The following PITPNM2 variants were observed in gnomAD, a reference collection of about 807,000 sequenced individuals.
The protein encoded by PITPNM2 is membrane-associated phosphatidylinositol transfer protein 2.
A neutral mutation model predicts 132.2 loss-of-function variants in PITPNM2; 35 were observed. That is an observed-to-expected ratio of 0.26 (90% CI 0.20 to 0.35). The LOEUF (loss-of-function observed/expected upper bound fraction) is 0.35. Among genes scored for constraint, PITPNM2 ranks in the 10% least tolerant of loss-of-function variants. PITPNM2 has a pLI of 1.00. For missense variants in PITPNM2, 1,332 were observed against 1,912.0 expected (o/e 0.70, Z 5.66); for synonymous variants, 738 against 799.2 (o/e 0.92, Z 1.29).
At chr12:123,103,997 C>T (rs956864724) in intron 2 of PITPNM2, among the ~76,000 whole-genome samples, 4 of 152,114 alleles carry the variant, frequency 2.6e-5, no homozygotes, top group African/African-American at 7.2e-5. Context: ...CCGCAACCTC[C>T]GCCTCCGGGT....
rs2040070987 is a variant in PITPNM2 at position 123,031,081 on chromosome 12, T to C, written c.78+3432A>G. Among the ~76,000 whole-genome samples, 1 of 152,188 alleles carries C rather than the reference T, an allele frequency of 6.6e-6. No homozygotes were observed. The highest frequency in any genetic ancestry group is 2.1e-4 in the South Asian group (1 of 4,830). On this transcript the variant is annotated intron_variant, in intron 3 of 25. Coordinates refer to ENST00000320201, the MANE Select transcript of PITPNM2 (RefSeq NM_020845.3). This position sits in a 1 kb window ranked among gnomAD's most constrained non-coding sequence, Gnocchi z 4.5. ...ACTAAAGTTGGTGGTTGCACAACAT[T>C]GTGAGTATACTAAATGCCACTGAAT...
chr12:122,987,989 C>T, intron 20 of PITPNM2, 88 bp from the exon 21 acceptor site: 10 of 1,223,748 alleles, frequency 8.2e-6, no homozygotes, highest in Non-Finnish European at 1.2e-5. Flanking sequence ...GCCTGAGGGG[C>T]AGGCTTGAGC....
chr12:123,004,434 G>A lies in PITPNM2; in HGVS notation c.1008C>T (p.Asp336=). The change falls in exon 8 of 26, where the codon GAC becomes GAT. Residue 336 remains aspartate (D), a synonymous_variant. Transcript: ENST00000320201. The surrounding 1 kb of genome is among the most constrained non-coding windows in gnomAD (Gnocchi z 4.9). The stretch of plus-strand genomic sequence containing the variant: ...ACTCATCATCTGAGCTCTCATCCGA[G>A]TCCCTGGCAATACTCTGCATCCTCC... ...SEWRMQSIAR[D]SDESSDDEFF... The A allele has an allele frequency of 5.0e-6, 8 of 1,614,008 alleles. No individual in the cohort carries two copies. Among genetic ancestry groups the A allele is most frequent in the Non-Finnish European group, 6.8e-6 (8 of 1,180,026 alleles).
chr12:123,123,790 G>A (rs962348285), intron 1 of PITPNM2, among the ~76,000 whole-genome samples: 3 of 151,856 alleles, frequency 2.0e-5, no homozygotes, highest in Non-Finnish European at 4.4e-5. Context: ...ACAAAAATTA[G>A]CCAGGTGTAG....
intron 2 of PITPNM2, among the ~76,000 whole-genome samples, chr12:123,094,833 C>T (rs902307328): frequency 1.8e-4 from 27 of 152,328 alleles, no homozygotes; most frequent in Admixed American, 3.9e-4. Flanking sequence ...TCTGACCCCA[C>T]GTCTGACTCA....
Position 122,988,719 on chromosome 12 carries a change from G to C in PITPNM2, c.2880+5C>G. Reference sequence around the variant, plus strand: ...CCCTCCTGGGAGGTCCCAGGCCCCGGGTACCTGTCTCAGCAGAAAGGAGAC... The same window carrying C: ...CCCTCCTGGGAGGTCCCAGGCCCCGCGTACCTGTCTCAGCAGAAAGGAGAC... On this transcript the variant is annotated splice_donor_5th_base_variant and intron_variant, in intron 19 of 25. Transcript: ENST00000320201. 1 of 1,556,462 alleles carries C rather than the reference G, an allele frequency of 6.4e-7. No homozygotes were observed. Among genetic ancestry groups the C allele is most frequent in the Non-Finnish European group, 8.7e-7 (1 of 1,149,604 alleles).
rs948386473 is a variant in PITPNM2 at position 123,036,401 on chromosome 12, C to T, written c.-95-1716G>A. Among the ~76,000 whole-genome samples, 1 of 152,100 alleles carries T rather than the reference C, an allele frequency of 6.6e-6. No individual in the cohort carries two copies. Among genetic ancestry groups the T allele is most frequent in the African/African-American group, 2.4e-5 (1 of 41,412 alleles). On this transcript the variant is annotated intron_variant, in intron 2 of 25. Transcript: ENST00000320201. The surrounding 1 kb of genome is among the most constrained non-coding windows in gnomAD (Gnocchi z 4.1). ...TTCACAGCAGGTAGGAACGTCAGCC[C>T]GAAGCCCATTCAAATTCTCACATCC... is the stretch of plus-strand genomic sequence containing the variant.
intron 2 of PITPNM2, chr12:123,105,468 C>T (rs2042686742): frequency 6.6e-6 from 1 of 152,200 alleles, no homozygotes; most frequent in Admixed American, 6.5e-5. Context: ...TCAGGAACCC[C>T]TCAGAGAATT....
At chr12:123,068,555 G>C (rs2041520349) in intron 2 of PITPNM2, among the ~76,000 whole-genome samples, 1 of 152,156 alleles carries the variant, frequency 6.6e-6, no homozygotes, top group Non-Finnish European at 1.5e-5. Flanking sequence ...ACTAACGCAG[G>C]GACTGCAGGT....
At chr12:123,129,280 A>G (rs1366831795) in intron 1 of PITPNM2, among the ~76,000 whole-genome samples, 2 of 151,734 alleles carry the variant, frequency 1.3e-5, no homozygotes, top group Non-Finnish European at 2.9e-5. Flanking sequence ...AAAAAATTAA[A>G]TGGATAGGCC....
In PITPNM2 at chr12:122,997,545, G is replaced by A; in HGVS notation, c.1252C>T (p.Pro418Ser). ...AGCAGCACGTGGATCTTGGAGGGCG[G>A]TGCAGCCAGCGGCTGGCTAACCTCG... is the stretch of plus-strand genomic sequence containing the variant. ...EDEVSQPLAA[P>S]PSKIHVLLLV... Residue 418 changes from proline (P) to serine (S), a missense_variant, in exon 11 of 26, where the codon CCG becomes TCG. Pro to Ser is a moderately conservative substitution (Grantham distance 74, BLOSUM62 -1). Coordinates refer to ENST00000320201, the MANE Select transcript of PITPNM2 (RefSeq NM_020845.3). 6.2e-7 allele frequency: 1 copy of A among 1,612,418 alleles called. No homozygotes were observed. Among genetic ancestry groups the A allele is most frequent in the Non-Finnish European group, 8.5e-7 (1 of 1,179,222 alleles).
rs1416642643 is a variant in PITPNM2 at position 123,106,281 on chromosome 12, A to G, written c.-96+4104T>C. ...TGTGCACCTGTAGTCCCAGCTACTC[A>G]GGAGGCTGAGGTGGGAGGACTGCTT... On this transcript the variant is annotated intron_variant, in intron 2 of 25. Coordinates refer to ENST00000320201, the MANE Select transcript of PITPNM2 (RefSeq NM_020845.3). The surrounding 1 kb of genome is among the most constrained non-coding windows in gnomAD (Gnocchi z 4.4). 2.0e-5 allele frequency among the ~76,000 whole-genome samples: 3 copies of G among 152,146 alleles called. No individual in the cohort carries two copies. The highest frequency in any genetic ancestry group is 1.9e-4 in the East Asian group (1 of 5,202).
chr12:123,093,035 T>C (rs1000190698), intron 2 of PITPNM2, among the ~76,000 whole-genome samples: 6 of 152,194 alleles, frequency 3.9e-5, no homozygotes, highest in Non-Finnish European at 5.9e-5. Flanking sequence ...TGGAAGATGA[T>C]TGCACCATGA....
chr12:123,008,789 C>T lies in PITPNM2; in HGVS notation c.643+1061G>A, dbSNP rs533159379. Among the ~76,000 whole-genome samples, 5 of 152,306 alleles carry T rather than the reference C, an allele frequency of 3.3e-5. No homozygotes were observed. The highest frequency in any genetic ancestry group is 3.4e-3 in the Middle Eastern group (1 of 294). On this transcript the variant is annotated intron_variant, in intron 6 of 25. Coordinates refer to ENST00000320201, the MANE Select transcript of PITPNM2 (RefSeq NM_020845.3). This position sits in a 1 kb window ranked among gnomAD's most constrained non-coding sequence, Gnocchi z 4.1. ...GATGGAGGTGGTGACACCAACACAC[C>T]CATCGAGGCCCTGTCCACGTCTTCG...
chr12:123,127,680 G>A (rs2043171407), intron 1 of PITPNM2, among the ~76,000 whole-genome samples: 1 of 151,172 alleles, frequency 6.6e-6, no homozygotes, highest in South Asian at 2.1e-4. Context: ...CGTGATCTCG[G>A]CTCACGGCAA....
intron 14 of PITPNM2, among the ~76,000 whole-genome samples, 188 bp downstream of exon 14, chr12:122,995,201 G>A (rs987024000): frequency 1.3e-5 from 2 of 152,198 alleles, no homozygotes; most frequent in Non-Finnish European, 2.9e-5. Flanking sequence ...ATGGCCCTTG[G>A]TGTATATGAG....
chr12:123,049,137 A>AACAC (rs35784732), intron 2 of PITPNM2, among the ~76,000 whole-genome samples: 107 of 146,852 alleles, frequency 7.3e-4, no homozygotes, highest in South Asian at 2.9e-3. Context: ...CTGTCTCTAA[A>AACAC]ACACACACAC....
At chr12:123,025,564 C>G (rs889914631) in intron 3 of PITPNM2, among the ~76,000 whole-genome samples, 2 of 151,994 alleles carry the variant, frequency 1.3e-5, no homozygotes, top group Admixed American at 6.6e-5. Context: ...TCCTGAGTAG[C>G]TGGGATTACA....
chr12:123,140,601 A>G (rs1226074796), intron 1 of PITPNM2, among the ~76,000 whole-genome samples: 1 of 152,198 alleles, frequency 6.6e-6, no homozygotes, highest in Middle Eastern at 3.4e-3. Context: ...AGGAGGCCAT[A>G]AACAGGGATC....
Sources: allele counts gnomAD v4.1 joint callset (sites outside exome capture counted in the v4.1 genomes callset), GRCh38; gene constraint gnomAD v4.1.1; non-coding constraint Gnocchi (gnomAD v3.1); transcripts MANE v1.5; gene names NCBI Gene and HGNC (gene_info 2026-07-23, HGNC 2026-07-21).